The following IST1 variants were observed in gnomAD, a reference collection of about 807,000 sequenced individuals.
IST1 encodes IST1 factor associated with ESCRT-III.
Under a neutral mutation model 37.0 loss-of-function variants are expected in IST1, and 23 were observed. The ratio of observed to expected loss-of-function variants is 0.62; its 90% CI spans 0.45 to 0.88. The LOEUF (loss-of-function observed/expected upper bound fraction) is 0.88, where lower values mean the gene tolerates loss of function less well. Ranked by LOEUF, IST1 falls within the 40% of genes least tolerant of loss-of-function variation. The pLI is 0.00. For missense variants in IST1, 488 were observed against 445.4 expected (o/e 1.10, Z -0.86); for synonymous variants, 180 against 161.7 (o/e 1.11, Z -0.86).
intron 1 of IST1, among the ~76,000 whole-genome samples, chr16:71,906,214 A>C (rs1402997331): frequency 6.6e-6 from 1 of 151,696 alleles, no homozygotes; most frequent in Admixed American, 6.6e-5. Context: ...TGTGTTAGCC[A>C]GGATGGTCTC....
At chr16:71,916,677 C>G in intron 3 of IST1, 35 bp downstream of exon 3, 1 of 1,565,562 alleles carries the variant, frequency 6.4e-7, no homozygotes, top group South Asian at 1.1e-5. Flanking sequence ...TAAATCATTT[C>G]TGGAATTTGA....
At position 71,922,436 on chromosome 16, in the gene IST1, A is replaced by G. The variant is rs772178347; in HGVS notation, c.553-38A>G. ...CGCTTTCTGGGGAACCTGGCCTTGG[A>G]CATGGGTTAATGACCTGGGTTTCTC... is the stretch of plus-strand genomic sequence containing the variant. On this transcript the variant is annotated intron_variant, in intron 6 of 9. Transcript: ENST00000378799. 7 of 1,572,584 alleles carry G rather than the reference A, an allele frequency of 4.5e-6. No individual in the cohort carries two copies. The East Asian group carries it at 1.6e-4, about 35-fold the overall frequency.
intron 1 of IST1, among the ~76,000 whole-genome samples, chr16:71,898,684 A>C (rs949457844): frequency 2.0e-5 from 3 of 149,356 alleles, no homozygotes; most frequent in African/African-American, 7.4e-5. Context: ...AAAAACAAAA[A>C]AGGAAACACT....
chr16:71,898,302 GGGAGGT>G (rs2037021374), intron 1 of IST1, among the ~76,000 whole-genome samples: 1 of 151,458 alleles, frequency 6.6e-6, no homozygotes, highest in Non-Finnish European at 1.5e-5. Flanking sequence ...ATTTGAACCT[GGGAGGT>G]GGAGGTTGCA....
Position 71,929,501 on chromosome 16 carries a change from C to T in IST1, c.*1688C>T, listed in dbSNP as rs551989334. 29 of 1,514,090 alleles carry T rather than the reference C, an allele frequency of 1.9e-5. No homozygotes were observed. Among genetic ancestry groups the T allele is most frequent in the African/African-American group, 5.6e-5 (4 of 71,222 alleles). The allele number at this position is 1,514,090 out of a possible 1,614,324, so 93.8% of individuals were successfully genotyped here. ...TGCCATGCAAAGATAAGTAGTAATA[C>T]GCTAATAAATACTAAGCCAAGTAGG... On this transcript the variant is annotated 3_prime_UTR_variant, in exon 10 of 10. Transcript: ENST00000378799.
chr16:71,923,370 C>T lies in IST1; in HGVS notation c.842C>T (p.Ser281Leu), dbSNP rs548518463. The change falls in exon 8 of 10, where the codon TCG becomes TTG. Residue 281 changes from serine (S) to leucine (L), a missense_variant. Physicochemically the swap from Ser to Leu is moderately radical, Grantham distance 145. Transcript: ENST00000378799. ...CCTCAGATACCAGCAACTCCCCCAT[C>T]GTATGAATCTGTAAGTGCCTGAGCC... ...HPPQIPATPP[S>L]YESVDDINAD... 6.9e-6 allele frequency: 11 copies of T among 1,602,318 alleles called. No homozygotes were observed. The highest frequency in any genetic ancestry group is 5.0e-5 in the Admixed American group (3 of 59,886).
intron 1 of IST1, among the ~76,000 whole-genome samples, chr16:71,905,669 C>T (rs1159171419): frequency 1.3e-5 from 2 of 152,128 alleles, no homozygotes; most frequent in African/African-American, 4.8e-5. Flanking sequence ...CGTGAGCCAC[C>T]GCACCCAGTC....
rs2037836870 is a variant in IST1 at position 71,929,412 on chromosome 16, C to G, written c.*1599C>G. 4.1e-6 allele frequency: 4 copies of G among 966,782 alleles called. No homozygotes were observed. The South Asian group carries it at 8.0e-5, about 19-fold the overall frequency. The allele number at this position is 966,782 out of a possible 1,614,324, so 59.9% of individuals were successfully genotyped here. On this transcript the variant is annotated 3_prime_UTR_variant, in exon 10 of 10. Transcript: ENST00000378799. ...TGCCAAGATCCATAAGAACTTGGGACCAAGGGGATTTTGATTCCTAACTTA... is the reference window on the plus strand; with the variant it reads ...TGCCAAGATCCATAAGAACTTGGGAGCAAGGGGATTTTGATTCCTAACTTA...
intron 1 of IST1, among the ~76,000 whole-genome samples, chr16:71,896,409 T>A (rs929031653): frequency 1.3e-5 from 2 of 152,148 alleles, no homozygotes; most frequent in South Asian, 2.1e-4. Context: ...TGTGTAATAT[T>A]TTAACTTTTT....
intron 1 of IST1, among the ~76,000 whole-genome samples, chr16:71,906,333 GT>G (rs2037223309): frequency 6.6e-6 from 1 of 151,018 alleles, no homozygotes; most frequent in Non-Finnish European, 1.5e-5. Flanking sequence ...TTGAGACACA[GT>G]TTTGCGCTTG....
intron 1 of IST1, among the ~76,000 whole-genome samples, chr16:71,904,573 C>A (rs772166390): frequency 1.3e-5 from 2 of 152,142 alleles, no homozygotes; most frequent in Non-Finnish European, 2.9e-5. Flanking sequence ...GCTACCGTGT[C>A]CAGCTAATTT....
intron 1 of IST1, among the ~76,000 whole-genome samples, chr16:71,902,390 C>T (rs2037127860): frequency 6.6e-6 from 1 of 152,152 alleles, no homozygotes; most frequent in Non-Finnish European, 1.5e-5. Context: ...CTGCCTCAGC[C>T]TCCCGAGTAG....
intron 1 of IST1, among the ~76,000 whole-genome samples, chr16:71,895,861 C>T (rs1020396939): frequency 5.9e-5 from 9 of 152,220 alleles, no homozygotes; most frequent in Non-Finnish European, 1.3e-4. Flanking sequence ...CTCGAAGCCC[C>T]TTAACTTTCC....
At chr16:71,906,481 G>T (rs2037227194) in intron 1 of IST1, among the ~76,000 whole-genome samples, 1 of 149,522 alleles carries the variant, frequency 6.7e-6, no homozygotes, top group Admixed American at 6.7e-5. Flanking sequence ...CTAATTTTTT[G>T]TATTTTTTTT....
At chr16:71,913,904 G>C (rs910398395) in intron 1 of IST1, among the ~76,000 whole-genome samples, 4 of 151,882 alleles carry the variant, frequency 2.6e-5, no homozygotes, top group Non-Finnish European at 5.9e-5. Context: ...CGCCTCCTGG[G>C]TTAAAGCAAT....
At chr16:71,895,664 G>C (rs1262816790) in intron 1 of IST1, 75 bp downstream of exon 1, 4 of 578,488 alleles carry the variant, frequency 6.9e-6, no homozygotes, top group African/African-American at 6.1e-5. Context: ...GCGGTCTCTA[G>C]TTAGCGCTAG....
chr16:71,901,254 C>T (rs915634792), intron 1 of IST1, among the ~76,000 whole-genome samples: 3 of 151,944 alleles, frequency 2.0e-5, no homozygotes, highest in Non-Finnish European at 4.4e-5. Context: ...TGCTCTGTCG[C>T]CCAGGCTGGA....
Position 71,924,615 on chromosome 16 carries a change from T to C in IST1, c.853-154T>C, listed in dbSNP as rs528695200. 46 of 663,322 alleles carry C rather than the reference T, an allele frequency of 6.9e-5. 1 individual carries two copies. In the South Asian group the frequency reaches 8.0e-4, roughly 12 times the overall value. The allele number at this position is 663,322 out of a possible 1,614,324, so 41.1% of individuals were successfully genotyped here. A position where few individuals can be genotyped will look rare whatever the true frequency, so the allele number is the denominator to read the frequency against. On this transcript the variant is annotated intron_variant, in intron 8 of 9. Coordinates refer to ENST00000378799, the MANE Select transcript of IST1 (RefSeq NM_001270975.2). ...AATCAAAGGAGTTCAACATAGTATC[T>C]ACCTGATTGGAAAAAATGCAGGGGC...
At chr16:71,901,661 G>C (rs1187275454) in intron 1 of IST1, among the ~76,000 whole-genome samples, 1 of 152,100 alleles carries the variant, frequency 6.6e-6, no homozygotes, top group East Asian at 1.9e-4. Flanking sequence ...TGTTGAATAG[G>C]AGTTGAAAAA....
Sources: gnomAD v4.1 joint callset for allele counts (sites outside exome capture counted in the v4.1 genomes callset) on GRCh38, gnomAD v4.1.1 for gene constraint, MANE v1.5 for transcripts, NCBI Gene and HGNC (gene_info 2026-07-23, HGNC 2026-07-21) for gene names.